The following GGACT variants were observed in gnomAD, a reference collection of about 807,000 sequenced individuals.
The protein encoded by GGACT is gamma-glutamylamine cyclotransferase, also known as gamma-glutamylaminecyclotransferase.
For synonymous variants in GGACT, 118 were observed against 115.3 expected (o/e 1.02, Z -0.15); for missense variants, 241 against 233.2 (o/e 1.03, Z -0.22).
intron 2 of GGACT, 30 bp downstream of exon 2, chr13:100,583,795 C>T (rs1325744504): frequency 2.6e-5 from 4 of 152,206 alleles, no homozygotes; most frequent in Non-Finnish European, 5.9e-5. Context: ...GAGCAATGAA[C>T]ACTCTAGAAC....
At chr13:100,550,475 C>T (rs1055551553) in intron 2 of GGACT, among the ~76,000 whole-genome samples, 4 of 151,450 alleles carry the variant, frequency 2.6e-5, no homozygotes, top group African/African-American at 4.9e-5. Context: ...TTAAAAGCAC[C>T]ATTATAGCCA....
intron 2 of GGACT, among the ~76,000 whole-genome samples, chr13:100,550,446 AC>A (rs2088652074): frequency 6.6e-6 from 1 of 151,054 alleles, no homozygotes; most frequent in African/African-American, 2.5e-5. Context: ...ACACACACAC[AC>A]ACACACACAC....
At chr13:100,558,182 CA>C (rs35098533) in intron 2 of GGACT, among the ~76,000 whole-genome samples, 69,628 of 113,540 alleles carry the variant, frequency 0.61, 19,069 homozygotes, top group East Asian at 0.83. Flanking sequence ...AACTCCATCT[CA>C]AAAAAAAAAA....
rs1489744469 is a variant in GGACT at position 100,532,279 on chromosome 13, C to T, written c.313G>A (p.Ala105Thr). ...GCGGTGGGCGCTGGCGGCTCCTCTG[C>T]GCCCGGGGCCCGGTCCTCCAGCAGC... is the stretch of plus-strand genomic sequence containing the variant. Reference protein sequence around the residue: ...VQLLEDRAPGAEEPPAPTAVQ... With the variant: ...VQLLEDRAPGTEEPPAPTAVQ... The change falls in exon 3 of 3, where the codon GCA (alanine) becomes ACA (threonine). Residue 105 changes from alanine (A) to threonine (T), a missense_variant. Physicochemically the swap from Ala to Thr is moderately conservative, Grantham distance 58 (BLOSUM62 0). Transcript: ENST00000683975. The T allele has an allele frequency of 7.2e-6, 11 of 1,536,770 alleles. No homozygotes were observed. The highest frequency in any genetic ancestry group is 2.0e-5 in the Admixed American group (1 of 50,506).
intron 2 of GGACT, among the ~76,000 whole-genome samples, chr13:100,572,958 A>T (rs574068879): frequency 6.6e-6 from 1 of 152,238 alleles, no homozygotes; most frequent in Non-Finnish European, 1.5e-5. Flanking sequence ...CTTTTGCTAT[A>T]TAATGGCATC....
chr13:100,548,729 G>A (rs2088630667), intron 2 of GGACT, among the ~76,000 whole-genome samples: 2 of 152,166 alleles, frequency 1.3e-5, no homozygotes, highest in Non-Finnish European at 2.9e-5. Context: ...TGTAAGAACC[G>A]AGAGCTGATA....
At position 100,569,248 on chromosome 13, in the gene GGACT, G is replaced by A. The variant is rs144949346; in HGVS notation, c.-11+14577C>T. ...ATTTCCCTTCTGCACTGCCCTAGCAGAGGTTCTCTATGAGGGCTCTGCCCC... is the reference window on the plus strand; with the variant it reads ...ATTTCCCTTCTGCACTGCCCTAGCAAAGGTTCTCTATGAGGGCTCTGCCCC... On this transcript the variant is annotated intron_variant, in intron 2 of 2. Coordinates refer to ENST00000683975, the MANE Select transcript of GGACT (RefSeq NM_001195087.2). Among the ~76,000 whole-genome samples, 383 of 152,396 alleles carry A rather than the reference G, an allele frequency of 2.5e-3. 1 individual carries two copies. Among genetic ancestry groups the A allele is most frequent in the Middle Eastern group, 0.01 (3 of 294 alleles).
chr13:100,531,857 G>T lies in GGACT; in HGVS notation c.*273C>A. On this transcript the variant is annotated 3_prime_UTR_variant, in exon 3 of 3. Coordinates refer to ENST00000683975, the MANE Select transcript of GGACT (RefSeq NM_001195087.2). ...CCAACAGCAGAAACAACACGAGGAGGAAGAAGAATTAGGCATAACACGAGT... is the reference window on the plus strand; with the variant it reads ...CCAACAGCAGAAACAACACGAGGAGTAAGAAGAATTAGGCATAACACGAGT... 2.7e-6 allele frequency: 1 copy of T among 369,022 alleles called. No homozygotes were observed. 22.9% of individuals were successfully genotyped at this position (369,022 alleles called of 1,614,324 possible). A position where few individuals can be genotyped will look rare whatever the true frequency, so the allele number is the denominator to read the frequency against.
chr13:100,582,218 G>A (rs985285765), intron 2 of GGACT, among the ~76,000 whole-genome samples: 4 of 152,146 alleles, frequency 2.6e-5, no homozygotes, highest in Non-Finnish European at 5.9e-5. Flanking sequence ...GCTGATTTCA[G>A]ATTTGGGGCA....
chr13:100,569,539 A>G (rs1473076763), intron 2 of GGACT, among the ~76,000 whole-genome samples: 1 of 152,224 alleles, frequency 6.6e-6, no homozygotes, highest in Non-Finnish European at 1.5e-5. Context: ...CCCTGGGCCT[A>G]GCCCACAAAA....
At chr13:100,564,346 A>G (rs530453682) in intron 2 of GGACT, among the ~76,000 whole-genome samples, 7 of 152,292 alleles carry the variant, frequency 4.6e-5, no homozygotes, top group Non-Finnish European at 7.4e-5. Context: ...GCACTCCTTC[A>G]TTTTCACAGG....
At position 100,531,289 on chromosome 13, in the gene GGACT, T is replaced by TGTCA. The variant is rs1190985772; in HGVS notation, c.*837_*840dup. 1 of 152,228 alleles carries TGTCA rather than the reference T, an allele frequency of 6.6e-6. No homozygotes were observed. The highest frequency in any genetic ancestry group is 2.4e-5 in the African/African-American group (1 of 41,456). 9.4% of individuals were successfully genotyped at this position (152,228 alleles called of 1,614,324 possible). The stretch of plus-strand genomic sequence containing the variant: ...TGTTTGTATTTGGAAGCTAAGCTTC[T>TGTCA]GTCAGGCCTGAAGAACAAATTACTA... On this transcript the variant is annotated 3_prime_UTR_variant, in exon 3 of 3. Transcript: ENST00000683975.
chr13:100,573,693 A>G (rs1659586777), intron 2 of GGACT, among the ~76,000 whole-genome samples: 1 of 152,142 alleles, frequency 6.6e-6, no homozygotes, highest in Non-Finnish European at 1.5e-5. Flanking sequence ...CGAACACAGG[A>G]TCAACAAGCA....
Position 100,531,324 on chromosome 13 carries a change from CTCT to C in GGACT, c.*803_*805del, listed in dbSNP as rs759518153. On this transcript the variant is annotated 3_prime_UTR_variant, in exon 3 of 3. Transcript: ENST00000683975. Reference sequence around the variant, plus strand: ...GAAGAACAAATTACTAATGCATTGGCTCTTCTTTGAAAGGACTCACCCCCAAAT... The same window carrying C: ...GAAGAACAAATTACTAATGCATTGGCTCTTTGAAAGGACTCACCCCCAAAT... The C allele has an allele frequency of 1.3e-5, 2 of 152,226 alleles. No homozygotes were observed. The highest frequency in any genetic ancestry group is 2.9e-5 in the Non-Finnish European group (2 of 68,048). The allele number at this position is 152,226 out of a possible 1,614,324, so 9.4% of individuals were successfully genotyped here. A position where few individuals can be genotyped will look rare whatever the true frequency, so the allele number is the denominator to read the frequency against.
chr13:100,587,252 A>G (rs1196033301), intron 1 of GGACT: 1 of 152,200 alleles, frequency 6.6e-6, no homozygotes, highest in South Asian at 2.1e-4. Context: ...AGAGAAATGA[A>G]CAGATCATTT....
At chr13:100,580,834 C>A (rs1875393858) in intron 2 of GGACT, among the ~76,000 whole-genome samples, 2 of 152,144 alleles carry the variant, frequency 1.3e-5, no homozygotes, top group South Asian at 4.1e-4. Flanking sequence ...TCTACAGTTA[C>A]AAGACTAAAG....
At chr13:100,576,946 G>C (rs978049349) in intron 2 of GGACT, among the ~76,000 whole-genome samples, 1 of 152,142 alleles carries the variant, frequency 6.6e-6, no homozygotes, top group Non-Finnish European at 1.5e-5. Flanking sequence ...AAGCATGAGA[G>C]CATGCAACTA....
At chr13:100,540,482 G>A (rs1207727070) in intron 2 of GGACT, among the ~76,000 whole-genome samples, 3 of 152,036 alleles carry the variant, frequency 2.0e-5, no homozygotes, top group Non-Finnish European at 4.4e-5. Context: ...ATGTTTTCTC[G>A]TCCATTTCTG....
intron 2 of GGACT, among the ~76,000 whole-genome samples, chr13:100,569,744 G>A (rs1323924819): frequency 1.3e-5 from 2 of 152,216 alleles, no homozygotes; most frequent in Non-Finnish European, 2.9e-5. Context: ...TTGTCAGGCT[G>A]CACATTTTCC....
Sources: allele counts gnomAD v4.1 joint callset (sites outside exome capture counted in the v4.1 genomes callset), GRCh38; gene constraint gnomAD v4.1.1; transcripts MANE v1.5; gene names NCBI Gene and HGNC (gene_info 2026-07-23, HGNC 2026-07-21).